The following KIFAP3 variants were observed in gnomAD, a reference collection of about 807,000 sequenced individuals.
The protein encoded by KIFAP3 is kinesin associated protein 3.
A neutral mutation model predicts 106.5 loss-of-function variants in KIFAP3; 68 were observed. The observed-to-expected ratio is 0.64, with a 90% CI of 0.53 to 0.78. The LOEUF (loss-of-function observed/expected upper bound fraction) is 0.78, where lower values mean the gene tolerates loss of function less well. Ranked by LOEUF, KIFAP3 falls within the 30% of genes least tolerant of loss-of-function variation. KIFAP3 has a pLI of 0.00. For missense variants in KIFAP3, 780 were observed against 941.8 expected, an observed-to-expected ratio of 0.83 and a Z score of 2.25; for synonymous variants, 320 against 311.5, an observed-to-expected ratio of 1.03 and a Z score of -0.29.
intron 19 of KIFAP3, among the ~76,000 whole-genome samples, chr1:169,946,154 A>G (rs1664429236): frequency 6.6e-6 from 1 of 152,236 alleles, no homozygotes; most frequent in African/African-American, 2.4e-5. Context: ...TGAATAAATG[A>G]TTTTTAAGAG....
At chr1:169,987,996 T>C (rs1175934763) in intron 11 of KIFAP3, among the ~76,000 whole-genome samples, 2 of 151,908 alleles carry the variant, frequency 1.3e-5, no homozygotes, top group Non-Finnish European at 2.9e-5. Flanking sequence ...ACCATTAAGA[T>C]CATGTATAAA....
chr1:170,019,419 C>T (rs1372692872), intron 9 of KIFAP3, among the ~76,000 whole-genome samples: 1 of 151,868 alleles, frequency 6.6e-6, no homozygotes, highest in Non-Finnish European at 1.5e-5. Context: ...CATAAAAATT[C>T]TCAAAAATAA....
chr1:170,045,171 C>T (rs80142973), intron 3 of KIFAP3, among the ~76,000 whole-genome samples: 14,576 of 152,176 alleles, frequency 0.096, 721 homozygotes, highest in South Asian at 0.13. Context: ...ATTGACTTTA[C>T]AGAGCCAATA....
At chr1:170,015,181 T>C (rs1415453950) in intron 10 of KIFAP3, among the ~76,000 whole-genome samples, 3 of 152,208 alleles carry the variant, frequency 2.0e-5, no homozygotes, top group African/African-American at 7.2e-5. Flanking sequence ...TTTTATCATA[T>C]GTTACAAGGC....
chr1:170,045,673 T>C (rs1429187950), intron 3 of KIFAP3, among the ~76,000 whole-genome samples: 1 of 152,208 alleles, frequency 6.6e-6, no homozygotes, highest in East Asian at 1.9e-4. Flanking sequence ...TTTATTGTTT[T>C]CTACAATTTG....
chr1:169,983,699 A>G (rs1249123864), intron 12 of KIFAP3, among the ~76,000 whole-genome samples: 1 of 151,894 alleles, frequency 6.6e-6, no homozygotes, highest in Non-Finnish European at 1.5e-5. Flanking sequence ...GAATCATACC[A>G]TATGTGCTCT....
chr1:169,974,413 T>G (rs1218900407), intron 16 of KIFAP3, among the ~76,000 whole-genome samples: 3 of 151,988 alleles, frequency 2.0e-5, no homozygotes, highest in African/African-American at 7.2e-5. Context: ...AGTGGCAAAG[T>G]GATGACTTAA....
At chr1:170,060,365 T>C (rs1294423146) in intron 1 of KIFAP3, among the ~76,000 whole-genome samples, 1 of 152,038 alleles carries the variant, frequency 6.6e-6, no homozygotes, top group African/African-American at 2.4e-5. Flanking sequence ...TATACACCAA[T>C]AACAGACAAA....
At chr1:170,070,863 G>C (rs2102175780) in intron 1 of KIFAP3, among the ~76,000 whole-genome samples, 1 of 152,264 alleles carries the variant, frequency 6.6e-6, no homozygotes, top group East Asian at 1.9e-4. Flanking sequence ...TACATACCAA[G>C]ATAGTGCAAA....
intron 16 of KIFAP3, among the ~76,000 whole-genome samples, chr1:169,977,508 G>A (rs1027758470): frequency 2.0e-5 from 3 of 152,062 alleles, no homozygotes; most frequent in Non-Finnish European, 2.9e-5. Flanking sequence ...ATCCTAGGGA[G>A]GTTAAGTAAC....
intron 1 of KIFAP3, among the ~76,000 whole-genome samples, chr1:170,072,132 T>C (rs2102178835): frequency 6.6e-6 from 1 of 152,356 alleles, no homozygotes; most frequent in East Asian, 1.9e-4. Context: ...TGTTGTTCAC[T>C]TTTAATATCC....
At chr1:169,932,459 G>A (rs1663545219) in intron 19 of KIFAP3, among the ~76,000 whole-genome samples, 1 of 152,024 alleles carries the variant, frequency 6.6e-6, no homozygotes, top group Admixed American at 6.6e-5. Flanking sequence ...ATCTTAAAGT[G>A]ATAATGCACT....
At chr1:169,924,014 T>C (rs186172715) in intron 19 of KIFAP3, among the ~76,000 whole-genome samples, 2 of 152,124 alleles carry the variant, frequency 1.3e-5, no homozygotes, top group Non-Finnish European at 2.9e-5. Context: ...CTACGACTAA[T>C]AGGCAAACTA....
intron 19 of KIFAP3, among the ~76,000 whole-genome samples, chr1:169,931,521 A>T (rs1663477293): frequency 6.6e-6 from 1 of 152,188 alleles, no homozygotes; most frequent in South Asian, 2.1e-4. Context: ...TCTTTAACTT[A>T]CATTTCTTCC....
chr1:169,973,592 G>C (rs1666060806), intron 16 of KIFAP3, among the ~76,000 whole-genome samples: 4 of 149,836 alleles, frequency 2.7e-5, no homozygotes, highest in Admixed American at 2.7e-4. Context: ...TTACTTATAA[G>C]GAAAAGGAAA....
chr1:169,958,501 G>C (rs1665147344), intron 18 of KIFAP3, among the ~76,000 whole-genome samples: 1 of 152,110 alleles, frequency 6.6e-6, no homozygotes. Flanking sequence ...ATAGTGTAGA[G>C]TATGAGAAAA....
chr1:170,082,523 A>C (rs1327758948), intron 1 of KIFAP3, among the ~76,000 whole-genome samples: 1 of 152,244 alleles, frequency 6.6e-6, no homozygotes, highest in African/African-American at 2.4e-5. Flanking sequence ...GTATACTTGC[A>C]TTCATTTTAT....
At chr1:170,074,696 A>T, upstream of KIFAP3, 1 of 1,407,814 alleles carries the variant, frequency 7.1e-7, no homozygotes, top group Non-Finnish European at 9.3e-7. Flanking sequence ...AGAGTCGCCT[A>T]AGCCGGGCCG....
At chr1:169,991,690 ATC>A (rs1667114977) in intron 11 of KIFAP3, among the ~76,000 whole-genome samples, 1 of 152,140 alleles carries the variant, frequency 6.6e-6, no homozygotes, top group East Asian at 1.9e-4. Flanking sequence ...CAAATATGAT[ATC>A]TCACATTATT....
Sources: allele counts gnomAD v4.1 joint callset (sites outside exome capture counted in the v4.1 genomes callset), GRCh38; gene constraint gnomAD v4.1.1; transcripts MANE v1.5; gene names NCBI Gene and HGNC (gene_info 2026-07-23, HGNC 2026-07-21).